IL7: variants seen among roughly 807,000 people sequenced by gnomAD.
IL7 encodes interleukin-7.
In IL7, 3 loss-of-function variants were observed where a neutral mutation model predicts 21.6. The observed-to-expected ratio is 0.14, with a 90% confidence interval of 0.06 to 0.36. IL7 has a LOEUF of 0.36. Ranked by LOEUF, IL7 falls within the 10% of genes least tolerant of loss-of-function variation. The pLI is 1.00. For synonymous variants in IL7, 62 were observed against 68.1 expected (o/e 0.91, Z 0.44); for missense variants, 175 against 200.2 (o/e 0.87, Z 0.76).
At chr8:78,704,533 C>T (rs186995801) in intron 3 of IL7, among the ~76,000 whole-genome samples, 1 of 151,630 alleles carries the variant, frequency 6.6e-6, no homozygotes, top group East Asian at 1.9e-4. Flanking sequence ...TTTAACATTT[C>T]TTCTTTCATT....
intron 3 of IL7, 106 bp from the exon 4 acceptor site, chr8:78,738,741 C>T (rs1811679954): frequency 4.4e-6 from 4 of 900,794 alleles, no homozygotes; most frequent in Non-Finnish European, 6.6e-6. Context: ...AGGTAATGCC[C>T]CGCCTCCACC....
intron 2 of IL7, among the ~76,000 whole-genome samples, chr8:78,741,135 T>G (rs1430996411): frequency 6.6e-6 from 1 of 152,172 alleles, no homozygotes; most frequent in African/African-American, 2.4e-5. Flanking sequence ...CTCATCTGCC[T>G]CTCAGAAAAG....
chr8:78,735,276 C>CTTTTTTTTTTTTTT, intron 5 of IL7, among the ~76,000 whole-genome samples: 37 of 78,404 alleles, frequency 4.7e-4, no homozygotes, highest in Admixed American at 7.4e-4. Context: ...CTTTTCTTTT[C>CTTTTTTTTTTTTTT]TTTTTTTTTT....
intron 3 of IL7, chr8:78,686,378 A>C (rs1223461766): frequency 9.3e-7 from 1 of 1,074,846 alleles, no homozygotes; most frequent in Non-Finnish European, 1.2e-6. Context: ...AACATTTAAA[A>C]TGATATGGAA....
intron 4 of IL7, among the ~76,000 whole-genome samples, chr8:78,682,977 A>G (rs1374879016): frequency 6.6e-6 from 1 of 152,196 alleles, no homozygotes; most frequent in Non-Finnish European, 1.5e-5. Flanking sequence ...AAGCTCTGAA[A>G]CGATCTCCTT....
intron 2 of IL7, among the ~76,000 whole-genome samples, chr8:78,767,447 T>G (rs1484043347): frequency 6.6e-6 from 1 of 152,072 alleles, no homozygotes; most frequent in Non-Finnish European, 1.5e-5. Context: ...TCTTTGTAAT[T>G]TGAAAGACTA....
downstream of IL7, among the ~76,000 whole-genome samples, chr8:78,729,926 T>C (rs925178054): frequency 2.0e-5 from 3 of 151,940 alleles, no homozygotes; most frequent in Non-Finnish European, 4.4e-5. Flanking sequence ...TATTAAGAGT[T>C]ACTTGTTGAG....
chr8:78,739,947 T>C (rs1811723518), intron 3 of IL7, 55 bp downstream of exon 3: 2 of 1,444,072 alleles, frequency 1.4e-6, no homozygotes, highest in East Asian at 5.4e-5. Flanking sequence ...GCACAAAAAA[T>C]AGAAGCTTCT....
At chr8:78,704,607 G>A (rs1162227280) in intron 3 of IL7, among the ~76,000 whole-genome samples, 2 of 151,928 alleles carry the variant, frequency 1.3e-5, no homozygotes, top group Non-Finnish European at 2.9e-5. Flanking sequence ...TATCTTACTG[G>A]GGTTCTCTAC....
chr8:78,736,553 T>C, intron 4 of IL7, 26 bp from the exon 5 acceptor site: 1 of 1,493,902 alleles, frequency 6.7e-7, no homozygotes, highest in Non-Finnish European at 9.3e-7. Flanking sequence ...ACATTTATAA[T>C]ATTGAATATT....
intron 4 of IL7, among the ~76,000 whole-genome samples, chr8:78,680,994 G>A (rs544279800): frequency 1.3e-5 from 2 of 152,200 alleles, no homozygotes; most frequent in African/African-American, 2.4e-5. Flanking sequence ...AGTTGAGGAG[G>A]CCTAGTGGCA....
intron 3 of IL7, among the ~76,000 whole-genome samples, chr8:78,687,388 T>C (rs554373451): frequency 1.3e-5 from 2 of 150,274 alleles, no homozygotes; most frequent in Non-Finnish European, 3.0e-5. Context: ...TCTACAGATA[T>C]AGTAAATATC....
chr8:78,722,504 T>C (rs1242455766), intron 3 of IL7, among the ~76,000 whole-genome samples: 1 of 152,010 alleles, frequency 6.6e-6, no homozygotes, highest in Non-Finnish European at 1.5e-5. Flanking sequence ...GAAATAAGCA[T>C]GTCTTTGGTA....
At chr8:78,797,998 A>G in intron 2 of IL7, 74 bp downstream of exon 2, 1 of 1,187,834 alleles carries the variant, frequency 8.4e-7, no homozygotes, top group Non-Finnish European at 1.2e-6. Flanking sequence ...ATACTTGATT[A>G]TAAAACTGCA....
intron 3 of IL7, among the ~76,000 whole-genome samples, chr8:78,701,402 A>G (rs562291711): frequency 6.6e-6 from 1 of 152,314 alleles, no homozygotes; most frequent in East Asian, 1.9e-4. Flanking sequence ...GGCTGATATA[A>G]TGGGGTTTTC....
At chr8:78,687,564 TAAA>T (rs1810036591) in intron 3 of IL7, among the ~76,000 whole-genome samples, 1 of 142,948 alleles carries the variant, frequency 7.0e-6, no homozygotes, top group Non-Finnish European at 1.5e-5. Flanking sequence ...ATTTACATAA[TAAA>T]TTATATATAT....
At chr8:78,772,825 G>T (rs935037920) in intron 2 of IL7, among the ~76,000 whole-genome samples, 1 of 152,066 alleles carries the variant, frequency 6.6e-6, no homozygotes, top group Non-Finnish European at 1.5e-5. Flanking sequence ...AGTGAGTGTC[G>T]ATGGTCATAG....
chr8:78,771,180 G>A (rs1377973427), intron 2 of IL7, among the ~76,000 whole-genome samples: 1 of 139,162 alleles, frequency 7.2e-6, no homozygotes, highest in Non-Finnish European at 1.7e-5. Context: ...CAACGCAATA[G>A]ACATTGTGGT....
chr8:78,684,548 A>G (rs1256512431), intron 4 of IL7, among the ~76,000 whole-genome samples: 1 of 152,230 alleles, frequency 6.6e-6, no homozygotes, highest in Admixed American at 6.5e-5. Flanking sequence ...GCCAAACTAT[A>G]TCAATAGATA....
Sources: gnomAD v4.1 joint callset for allele counts (sites outside exome capture counted in the v4.1 genomes callset) on GRCh38, gnomAD v4.1.1 for gene constraint, MANE v1.5 for transcripts, NCBI Gene and HGNC (gene_info 2026-07-23, HGNC 2026-07-21) for gene names.